Variants in TDRD1 observed in about 807,000 individuals in gnomAD.
TDRD1 encodes the protein tudor domain-containing protein 1.
TDRD1 carries 37 observed loss-of-function variants against 140.6 expected under a neutral mutation model. The ratio of observed to expected loss-of-function variants is 0.26; its 90% confidence interval spans 0.20 to 0.35. TDRD1 has a LOEUF of 0.35. TDRD1 is among the 10% of genes least tolerant of loss of function. The pLI is 1.00. For synonymous variants in TDRD1, 506 were observed against 475.7 expected (o/e 1.06, Z -0.83); for missense variants, 1,243 against 1,393.0 (o/e 0.89, Z 1.71).
At chr10:114,221,226 T>A (rs149020893) in intron 19 of TDRD1, 131 bp from the exon 20 acceptor site, 17 of 1,013,840 alleles carry the variant, frequency 1.7e-5, no homozygotes, top group African/African-American at 1.5e-4. Flanking sequence ...AAAATACAGA[T>A]TTTTATTTTG....
chr10:114,227,464 C>T (rs1273284149), intron 23 of TDRD1, among the ~76,000 whole-genome samples, 165 bp downstream of exon 23: 1 of 152,212 alleles, frequency 6.6e-6, no homozygotes, highest in Non-Finnish European at 1.5e-5. Context: ...GGGAGGGCCG[C>T]CTTGATGGAG....
intron 25 of TDRD1, among the ~76,000 whole-genome samples, chr10:114,229,821 TTTTTTTA>T (rs1289148417): frequency 6.7e-6 from 1 of 150,074 alleles, no homozygotes; most frequent in Non-Finnish European, 1.5e-5. Context: ...ATATATATTT[TTTTTTTA>T]TTTTTTATTT....
intron 1 of TDRD1, among the ~76,000 whole-genome samples, chr10:114,182,268 A>G (rs968893888): frequency 6.6e-6 from 1 of 152,224 alleles, no homozygotes; most frequent in Non-Finnish European, 1.5e-5. Context: ...CTGCAGCACA[A>G]TTGGCTGTCC....
At chr10:114,199,795 T>G (rs2034607712) in intron 4 of TDRD1, among the ~76,000 whole-genome samples, 1 of 152,234 alleles carries the variant, frequency 6.6e-6, no homozygotes, top group South Asian at 2.1e-4. Context: ...CGTACAATTA[T>G]TTTTTGTTTA....
At chr10:114,231,423 A>C in intron 25 of TDRD1, 1 of 1,335,538 alleles carries the variant, frequency 7.5e-7, no homozygotes, top group South Asian at 1.3e-5. Context: ...TTTGAAATTA[A>C]AAGCCATAGC....
chr10:114,213,436 T>G, exon 15 of TDRD1: 1 of 1,614,108 alleles, frequency 6.2e-7, no homozygotes, highest in Non-Finnish European at 8.5e-7. Context: ...GTGAAAGTGG[T>G]GGACAAGTTG....
rs571620944 is a variant in TDRD1, at chr10:114,229,572, G to A, written c.3538+1447G>A. ...CTTTTTTTTTTTTTTTTTTGGAGAC[G>A]GAGTCTTGCTCTGTCACCCAGGCTG... On this transcript the variant is annotated intron_variant, in intron 25 of 25. Coordinates refer to ENST00000251864, the Ensembl canonical transcript of TDRD1. Among the ~76,000 whole-genome samples the A allele has an allele frequency of 4.4e-3, 583 of 133,414 alleles. 3 individuals are homozygous for A. The highest frequency in any genetic ancestry group is 0.025 in the Middle Eastern group (6 of 238). 87.5% of individuals were successfully genotyped at this position (133,414 alleles called of 152,430 possible).
In TDRD1 at chr10:114,221,368, G is replaced by A. The variant is rs750252543; in HGVS notation, c.2782G>A (p.Ala928Thr). The change falls in exon 20 of 26, where the codon GCT (alanine) becomes ACT (threonine). Residue 928 changes from alanine (A) to threonine (T), a missense_variant. Physicochemically the swap from Ala to Thr is moderately conservative, Grantham distance 58. Around this residue, in one of 5 missense-constraint regions of TDRD1, gnomAD observed 601 missense variants for 734.7 expected, o/e 0.82. Transcript: ENST00000251864. ...TTGTATGTTTCCAGCTACCTCTTCA[G>A]CTGAGCAATGGAAGACGATAGAATT... 1.9e-6 allele frequency: 3 copies of A among 1,613,214 alleles called. No homozygotes were observed. The South Asian group carries it at 3.3e-5, about 18-fold the overall frequency.
chr10:114,185,476 C>T (rs1416863467), intron 1 of TDRD1, among the ~76,000 whole-genome samples: 1 of 151,958 alleles, frequency 6.6e-6, no homozygotes, highest in African/African-American at 2.4e-5. Context: ...AGGCGTGAGC[C>T]ACTGTGCCCA....
intron 22 of TDRD1, 90 bp from the exon 23 acceptor site, chr10:114,226,982 G>A: frequency 2.8e-6 from 2 of 720,988 alleles, no homozygotes; most frequent in Non-Finnish European, 4.6e-6. Flanking sequence ...CTGAAGTCCA[G>A]TAAGCCTTTT....
intron 1 of TDRD1, among the ~76,000 whole-genome samples, chr10:114,180,885 T>G (rs1168218499): frequency 6.6e-6 from 1 of 152,360 alleles, no homozygotes; most frequent in African/African-American, 2.4e-5. Flanking sequence ...CATACACTTT[T>G]GTTGTTAAAA....
intron 19 of TDRD1, 58 bp downstream of exon 19, chr10:114,220,901 A>G (rs2036103049): frequency 2.3e-6 from 3 of 1,306,888 alleles, no homozygotes; most frequent in East Asian, 2.3e-5. Context: ...CTCAGAGACT[A>G]TGAAAAATTT....
intron 11 of TDRD1, among the ~76,000 whole-genome samples, chr10:114,207,711 A>G (rs1343190693): frequency 1.3e-5 from 2 of 152,050 alleles, no homozygotes. Flanking sequence ...ATAATGGGAA[A>G]GGTGGGAACA....
intron 11 of TDRD1, among the ~76,000 whole-genome samples, chr10:114,209,206 G>A (rs1279536810): frequency 6.6e-6 from 1 of 152,040 alleles, no homozygotes; most frequent in South Asian, 2.1e-4. Flanking sequence ...ACTCCAGCAT[G>A]GGCAACATAG....
intron 11 of TDRD1, among the ~76,000 whole-genome samples, chr10:114,207,893 A>G (rs146257690): frequency 1.6e-4 from 25 of 152,066 alleles, no homozygotes; most frequent in Non-Finnish European, 3.5e-4. Context: ...TAAGGCCAGT[A>G]CAGACAAGCA....
chr10:114,217,435 G>A (rs760575774), intron 16 of TDRD1, 110 bp from the exon 17 acceptor site: 217 of 563,604 alleles, frequency 3.9e-4, no homozygotes, highest in Non-Finnish European at 5.8e-4. Context: ...AGTAGTTTAG[G>A]GAGGTACCTG....
chr10:114,192,292 CTTTTTTTTTTTT>C (rs938140798), intron 3 of TDRD1, among the ~76,000 whole-genome samples: 38 of 75,116 alleles, frequency 5.1e-4, no homozygotes, highest in Middle Eastern at 8.2e-3. Flanking sequence ...GATAGTTTTC[CTTTTTTTTTTTT>C]TTTTTTTTTT....
At chr10:114,228,911 C>T (rs1024305447) in intron 25 of TDRD1, 3 of 309,092 alleles carry the variant, frequency 9.7e-6, no homozygotes, top group African/African-American at 2.3e-5. Context: ...TGGCGAAACA[C>T]TGCCTCTACT....
At chr10:114,194,828 A>G (rs1346534666) in intron 3 of TDRD1, among the ~76,000 whole-genome samples, 1 of 147,178 alleles carries the variant, frequency 6.8e-6, no homozygotes, top group Non-Finnish European at 1.5e-5. Context: ...GCACAATCAT[A>G]GCTCACCACA....
Sources: allele counts gnomAD v4.1 joint callset (sites outside exome capture counted in the v4.1 genomes callset), GRCh38; gene constraint gnomAD v4.1.1; regional missense constraint gnomAD v4.1.1; transcripts MANE v1.5; gene names NCBI Gene and HGNC (gene_info 2026-07-23, HGNC 2026-07-21).